The following PTPRN2 variants were observed in gnomAD, a reference collection of about 807,000 sequenced individuals.
The protein encoded by PTPRN2 is protein tyrosine phosphatase receptor type N2, also known as receptor-type tyrosine-protein phosphatase N2.
A neutral mutation model predicts 118.8 loss-of-function variants in PTPRN2; 74 were observed. The ratio of observed to expected loss-of-function variants is 0.62; its 90% confidence interval spans 0.52 to 0.76. The LOEUF (loss-of-function observed/expected upper bound fraction) is 0.76. Among genes scored for constraint, PTPRN2 ranks in the 30% least tolerant of loss-of-function variants. The pLI, the probability that PTPRN2 is intolerant of heterozygous loss-of-function variation, is 0.00. For missense variants in PTPRN2, 1,481 were observed against 1,394.4 expected (o/e 1.06, Z -0.99); for synonymous variants, 641 against 608.0 (o/e 1.05, Z -0.80).
At chr7:158,198,132 T>A (rs1372165294) in intron 4 of PTPRN2, among the ~76,000 whole-genome samples, 1 of 152,206 alleles carries the variant, frequency 6.6e-6, no homozygotes, top group Non-Finnish European at 1.5e-5. Flanking sequence ...TCTCACTAAT[T>A]GCTAATCAAT....
chr7:157,552,858 AG>A (rs1383701404), intron 21 of PTPRN2, among the ~76,000 whole-genome samples: 1 of 152,090 alleles, frequency 6.6e-6, no homozygotes, highest in Non-Finnish European at 1.5e-5. Context: ...TCACCTCTGG[AG>A]GGGCTTTCCT....
chr7:158,576,741 C>T (rs1331277480), intron 1 of PTPRN2, among the ~76,000 whole-genome samples: 1 of 152,064 alleles, frequency 6.6e-6, no homozygotes, highest in Non-Finnish European at 1.5e-5. Flanking sequence ...GCCTGCACAA[C>T]ACTGAGAGCT....
chr7:158,455,195 AACGGCACGGACGCCATCGGCC>A (rs1818377801), intron 2 of PTPRN2, among the ~76,000 whole-genome samples: 1 of 152,284 alleles, frequency 6.6e-6, no homozygotes, highest in African/African-American at 2.4e-5. Flanking sequence ...CAGAGAAGAT[AACGGCACGGACGCCATCGGCC>A]ACGGCCACCC....
chr7:158,488,591 C>T (rs933756815), intron 2 of PTPRN2, among the ~76,000 whole-genome samples: 1 of 152,232 alleles, frequency 6.6e-6, no homozygotes, highest in Non-Finnish European at 1.5e-5. Flanking sequence ...CTCGGCTCCC[C>T]CTGGATGCAC....
chr7:158,166,993 G>A lies in PTPRN2; in HGVS notation c.848C>T (p.Ala283Val). Residue 283 changes from alanine to valine, a missense_variant, in exon 6 of 23, where the codon GCC (alanine) becomes GTC (valine). Ala to Val is a moderately conservative substitution (Grantham distance 64, BLOSUM62 0). This residue lies in a region of PTPRN2 where 1,115 missense variants were observed against 994.2 expected (regional missense o/e 1.12). Transcript: ENST00000389418. ...SRMPRPLLAP[A>V]APQKWPSPLG... ...AGGTGAAGGCCACTTCTGGGGGGCG[G>A]CTGGTGCCAGCAAAGGCCTGGGCAT... 1.4e-6 allele frequency: 2 copies of A among 1,460,946 alleles called. No homozygotes were observed. The highest frequency in any genetic ancestry group is 1.8e-6 in the Non-Finnish European group (2 of 1,101,708). 90.5% of individuals were successfully genotyped at this position (1,460,946 alleles called of 1,614,324 possible).
intron 3 of PTPRN2, among the ~76,000 whole-genome samples, chr7:158,302,658 G>C (rs12698206): frequency 6.6e-6 from 1 of 152,324 alleles, no homozygotes; most frequent in African/African-American, 2.4e-5. Flanking sequence ...GCGTAAGATG[G>C]CACGACTCAC....
intron 3 of PTPRN2, among the ~76,000 whole-genome samples, chr7:158,234,243 T>A (rs1829366443): frequency 6.7e-6 from 1 of 149,360 alleles, no homozygotes; most frequent in Non-Finnish European, 1.5e-5. Flanking sequence ...ATAACCAGAA[T>A]ATATAAAGAG....
chr7:158,416,182 T>C (rs972584472), intron 2 of PTPRN2, among the ~76,000 whole-genome samples: 2 of 152,230 alleles, frequency 1.3e-5, no homozygotes, highest in Non-Finnish European at 2.9e-5. Flanking sequence ...GGAAGCCTTC[T>C]GTGAAGGTCC....
chr7:157,640,603 G>A (rs1804611970), intron 14 of PTPRN2, among the ~76,000 whole-genome samples: 1 of 152,124 alleles, frequency 6.6e-6, no homozygotes, highest in Admixed American at 6.6e-5. Context: ...CAGGACACAA[G>A]GAAACTCCAA....
chr7:158,394,724 C>G (rs1039018993), intron 2 of PTPRN2, among the ~76,000 whole-genome samples: 12 of 152,194 alleles, frequency 7.9e-5, no homozygotes, highest in African/African-American at 2.4e-4. Flanking sequence ...GCATTCAGGA[C>G]GGGGCGACAA....
chr7:158,146,573 T>G (rs944249058), intron 6 of PTPRN2, among the ~76,000 whole-genome samples: 17 of 151,332 alleles, frequency 1.1e-4, no homozygotes, highest in African/African-American at 3.2e-4. Context: ...TACAAAAAAT[T>G]AGCCAGGCGT....
intron 20 of PTPRN2, among the ~76,000 whole-genome samples, chr7:157,570,992 C>T (rs1341561067): frequency 6.6e-6 from 1 of 152,134 alleles, no homozygotes; most frequent in Non-Finnish European, 1.5e-5. Flanking sequence ...CGCCTGTAAT[C>T]CCAGCACGTT....
At chr7:158,435,856 A>G (rs1350075653) in intron 2 of PTPRN2, among the ~76,000 whole-genome samples, 2 of 152,226 alleles carry the variant, frequency 1.3e-5, no homozygotes, top group Non-Finnish European at 2.9e-5. Context: ...CACTTAGACG[A>G]GGCATCTAAA....
chr7:157,723,271 A>G (rs951157886), intron 12 of PTPRN2, among the ~76,000 whole-genome samples: 2 of 152,130 alleles, frequency 1.3e-5, no homozygotes, highest in Non-Finnish European at 2.9e-5. Flanking sequence ...CTGGCACCAG[A>G]ATGTCCACGG....
chr7:158,058,337 A>G lies in PTPRN2; in HGVS notation c.1723+22961T>C, dbSNP rs13312292. ...CATCTGCCCACGGTGAGACATCACTACAGCCACGCTCCATCTGCCCACGGT... is the reference window on the plus strand; with the variant it reads ...CATCTGCCCACGGTGAGACATCACTGCAGCCACGCTCCATCTGCCCACGGT... On this transcript the variant is annotated intron_variant, in intron 11 of 22. Transcript: ENST00000389418. Among the ~76,000 whole-genome samples, 360 of 90,144 alleles carry G rather than the reference A, an allele frequency of 4.0e-3. 3 individuals are homozygous for G. The highest frequency in any genetic ancestry group is 0.014 in the African/African-American group (288 of 19,962). The allele number at this position is 90,144 out of a possible 152,430, so 59.1% of individuals were successfully genotyped here.
At chr7:158,016,029 G>GTGCA (rs1296908568) in intron 11 of PTPRN2, among the ~76,000 whole-genome samples, 7 of 152,292 alleles carry the variant, frequency 4.6e-5, no homozygotes, top group Admixed American at 4.6e-4. Flanking sequence ...AACACGCACA[G>GTGCA]TGCATGGCCT....
At chr7:157,634,197 C>T (rs775953313) in intron 14 of PTPRN2, among the ~76,000 whole-genome samples, 2 of 152,124 alleles carry the variant, frequency 1.3e-5, no homozygotes, top group Non-Finnish European at 2.9e-5. Flanking sequence ...AACTCTTCAC[C>T]CCTCACAGAA....
At chr7:157,683,310 G>A (rs1034661962) in intron 12 of PTPRN2, among the ~76,000 whole-genome samples, 9 of 152,132 alleles carry the variant, frequency 5.9e-5, no homozygotes, top group Non-Finnish European at 2.9e-5. Context: ...AATGATTGTC[G>A]GGGGTGCTGG....
chr7:157,666,512 A>G (rs1381256784), intron 13 of PTPRN2, among the ~76,000 whole-genome samples: 1 of 129,026 alleles, frequency 7.8e-6, no homozygotes, highest in African/African-American at 2.6e-5. Flanking sequence ...AGAAAAAAAA[A>G]AAACCCCACA....
Sources: allele counts gnomAD v4.1 joint callset (sites outside exome capture counted in the v4.1 genomes callset), GRCh38; gene constraint gnomAD v4.1.1; regional missense constraint gnomAD v4.1.1; transcripts MANE v1.5; gene names NCBI Gene and HGNC (gene_info 2026-07-23, HGNC 2026-07-21).